The following NFIA variants were observed in gnomAD, a reference collection of about 807,000 sequenced individuals.
NFIA encodes the protein nuclear factor 1 A-type.
A neutral mutation model predicts 62.8 loss-of-function variants in NFIA; 8 were observed. The ratio of observed to expected loss-of-function variants is 0.13; its 90% CI spans 0.07 to 0.23. NFIA has a LOEUF of 0.23. Among genes scored for constraint, NFIA ranks in the 10% least tolerant of loss-of-function variants. The probability of loss-of-function intolerance (pLI) is 1.00; values close to 1 mark genes in which losing one functional copy is unlikely to be tolerated. For missense variants in NFIA, 410 were observed against 642.1 expected, an observed-to-expected ratio of 0.64 and a Z score of 3.91; for synonymous variants, 235 against 238.1, an observed-to-expected ratio of 0.99 and a Z score of 0.12.
At chr1:61,427,106 G>A (rs1002885644) in intron 10 of NFIA, among the ~76,000 whole-genome samples, 13 of 152,152 alleles carry the variant, frequency 8.5e-5, no homozygotes, top group African/African-American at 2.4e-4. Context: ...AGCAAGGTGC[G>A]GTGGGTGGCA....
chr1:61,123,258 G>A (rs1646916892), intron 2 of NFIA, among the ~76,000 whole-genome samples: 1 of 152,140 alleles, frequency 6.6e-6, no homozygotes, highest in Non-Finnish European at 1.5e-5. Flanking sequence ...GTTTTGATAC[G>A]CAGGCCATCC....
intron 10 of NFIA, among the ~76,000 whole-genome samples, chr1:61,438,422 CA>C (rs768376269): frequency 2.6e-5 from 4 of 152,124 alleles, no homozygotes; most frequent in Non-Finnish European, 4.4e-5. Context: ...CCTGTGACCA[CA>C]AAGAAGAAAC....
chr1:61,327,202 A>G (rs1403821051), intron 3 of NFIA, among the ~76,000 whole-genome samples: 1 of 150,748 alleles, frequency 6.6e-6, no homozygotes, highest in Non-Finnish European at 1.5e-5. Context: ...AGAGACAGAA[A>G]TAAGAAGTTC....
chr1:61,155,283 C>T (rs1449128480), intron 2 of NFIA, among the ~76,000 whole-genome samples: 1 of 152,136 alleles, frequency 6.6e-6, no homozygotes, highest in East Asian at 1.9e-4. Flanking sequence ...GCTGGATCAC[C>T]CATATACATT....
chr1:61,127,074 C>T (rs1557583896), intron 2 of NFIA, among the ~76,000 whole-genome samples: 1 of 150,492 alleles, frequency 6.6e-6, no homozygotes, highest in Admixed American at 6.6e-5. Flanking sequence ...AAAATAGAAT[C>T]GCTTGAACCC....
chr1:61,451,106 C>G (rs1452093848), intron 10 of NFIA, among the ~76,000 whole-genome samples: 1 of 152,114 alleles, frequency 6.6e-6, no homozygotes, highest in Non-Finnish European at 1.5e-5. Flanking sequence ...AGATTGGCAC[C>G]GTCAGAGGTA....
At chr1:61,245,693 A>G (rs907871661) in intron 2 of NFIA, among the ~76,000 whole-genome samples, 1 of 151,998 alleles carries the variant, frequency 6.6e-6, no homozygotes, top group African/African-American at 2.4e-5. Context: ...TTAGGTTTTT[A>G]TTTTTGTTTT....
intron 3 of NFIA, among the ~76,000 whole-genome samples, chr1:61,306,570 G>A (rs948983858): frequency 6.6e-6 from 1 of 152,162 alleles, no homozygotes; most frequent in Non-Finnish European, 1.5e-5. Flanking sequence ...AATAGCAGCT[G>A]TAGGATTTGG....
intron 10 of NFIA, among the ~76,000 whole-genome samples, chr1:61,446,346 C>A (rs1399343539): frequency 6.6e-6 from 1 of 152,196 alleles, no homozygotes; most frequent in Non-Finnish European, 1.5e-5. Flanking sequence ...AGCTCAAGGC[C>A]TTCTTCACTT....
intron 6 of NFIA, 143 bp from the exon 7 acceptor site, chr1:61,383,093 GC>G: frequency 9.8e-7 from 1 of 1,017,986 alleles, no homozygotes; most frequent in East Asian, 2.5e-5. Context: ...TGTGACAAAT[GC>G]AAAGCAATTC....
chr1:61,105,994 A>G lies in NFIA; in HGVS notation c.559+17314A>G, dbSNP rs1030981111. On this transcript the variant is annotated intron_variant, in intron 2 of 10. Transcript: ENST00000403491. ...TTGTTTTTTGGAGATTATTTGTAGA[A>G]TCTCGGTTCTGTAACCAGATATTGA... 4.0e-5 allele frequency among the ~76,000 whole-genome samples: 6 copies of G among 150,986 alleles called. No homozygotes were observed. In the South Asian group the frequency reaches 1.0e-3, roughly 26 times the overall value.
At chr1:61,367,080 CA>C (rs1476173614) in intron 6 of NFIA, among the ~76,000 whole-genome samples, 1 of 152,208 alleles carries the variant, frequency 6.6e-6, no homozygotes, top group Non-Finnish European at 1.5e-5. Context: ...AACTAGGGGT[CA>C]GTGTCACAAC....
chr1:61,266,783 T>C (rs1233564796), intron 2 of NFIA, among the ~76,000 whole-genome samples: 2 of 152,214 alleles, frequency 1.3e-5, no homozygotes, highest in Non-Finnish European at 2.9e-5. Context: ...GGCATGGTGC[T>C]ATCTGCCAGT....
chr1:61,234,933 T>C (rs1361125237), intron 2 of NFIA, among the ~76,000 whole-genome samples: 3 of 152,242 alleles, frequency 2.0e-5, no homozygotes, highest in East Asian at 1.9e-4. Context: ...GCCATACCAG[T>C]TGGCATCTGT....
intron 2 of NFIA, among the ~76,000 whole-genome samples, chr1:61,252,516 A>G (rs573440701): frequency 7.9e-5 from 12 of 152,252 alleles, no homozygotes; most frequent in African/African-American, 2.2e-4. Flanking sequence ...GTCAGATTAC[A>G]TGTCAGTGAG....
intron 2 of NFIA, among the ~76,000 whole-genome samples, chr1:61,272,457 G>A (rs11811322): frequency 0.03 from 4,564 of 152,042 alleles, 233 homozygotes; most frequent in African/African-American, 0.1. Context: ...TCTGGATTTC[G>A]TTAATGTAAT....
At chr1:61,201,272 G>A (rs139897003) in intron 2 of NFIA, among the ~76,000 whole-genome samples, 199 of 152,150 alleles carry the variant, frequency 1.3e-3, no homozygotes, top group Admixed American at 2.2e-3. Flanking sequence ...CGACACATCC[G>A]CTCCTCTATA....
chr1:61,097,586 A>G (rs1173316612), intron 2 of NFIA, among the ~76,000 whole-genome samples: 2 of 152,142 alleles, frequency 1.3e-5, no homozygotes, highest in African/African-American at 4.8e-5. Flanking sequence ...TAGTAGGGAA[A>G]GGTATTTGTC....
chr1:61,382,569 C>G (rs538366042), intron 6 of NFIA, among the ~76,000 whole-genome samples: 3 of 152,154 alleles, frequency 2.0e-5, no homozygotes, highest in South Asian at 4.2e-4. Context: ...AGTATAACAT[C>G]CTATTTTGTA....
Sources: allele counts gnomAD v4.1 joint callset (sites outside exome capture counted in the v4.1 genomes callset), GRCh38; gene constraint gnomAD v4.1.1; transcripts MANE v1.5; gene names NCBI Gene and HGNC (gene_info 2026-07-23, HGNC 2026-07-21).